The following GOLGA4 variants were observed in gnomAD, a reference collection of about 807,000 sequenced individuals.
GOLGA4 encodes golgin A4.
A neutral mutation model predicts 265.9 loss-of-function variants in GOLGA4; 169 were observed. The observed-to-expected ratio is 0.64, with a 90% CI of 0.56 to 0.72. GOLGA4 has a LOEUF of 0.72. Among genes scored for constraint, GOLGA4 ranks in the 30% least tolerant of loss-of-function variants. The pLI is 0.00. For synonymous variants in GOLGA4, 923 were observed against 855.8 expected (o/e 1.08, Z -1.37); for missense variants, 2,482 against 2,483.4 (o/e 1.00, Z 0.01).
At position 37,326,673 on chromosome 3, in the gene GOLGA4, C is replaced by A; in HGVS notation, c.4787C>A (p.Ser1596Tyr). 2 of 1,611,300 alleles carry A rather than the reference C, an allele frequency of 1.2e-6. No homozygotes were observed. The highest frequency in any genetic ancestry group is 2.2e-5 in the South Asian group (2 of 90,390). The change falls in exon 14 of 24, where the codon TCC becomes TAC. Residue 1596 changes from serine (S) to tyrosine (Y), a missense_variant. Ser to Tyr is a moderately radical substitution (Grantham distance 144, BLOSUM62 -2). Coordinates refer to ENST00000361924, the MANE Select transcript of GOLGA4 (RefSeq NM_002078.5). ...KILTLENQVY[S>Y]MKAELETKKK... Reference sequence around the variant, plus strand: ...TTAACACTTGAAAACCAAGTTTATTCCATGAAAGCTGAACTTGAAACTAAG... The same window carrying A: ...TTAACACTTGAAAACCAAGTTTATTACATGAAAGCTGAACTTGAAACTAAG...
At chr3:37,272,219 C>T (rs961017770) in intron 2 of GOLGA4, among the ~76,000 whole-genome samples, 9 of 152,054 alleles carry the variant, frequency 5.9e-5, no homozygotes, top group East Asian at 3.9e-4. Context: ...TCATGAAACC[C>T]GTCCCTGGTG....
chr3:37,313,601 G>A (rs1340313864), intron 10 of GOLGA4: 1 of 152,236 alleles, frequency 6.6e-6, no homozygotes, highest in Middle Eastern at 3.4e-3. Flanking sequence ...AGACTTCTGT[G>A]AGGACTAAAG....
intron 10 of GOLGA4, among the ~76,000 whole-genome samples, chr3:37,311,781 A>G (rs539624366): frequency 1.3e-5 from 2 of 152,344 alleles, no homozygotes; most frequent in East Asian, 1.9e-4. Context: ...ATTGACTTGG[A>G]CAAACTTTTA....
intron 5 of GOLGA4, among the ~76,000 whole-genome samples, chr3:37,293,315 T>G (rs1239651019): frequency 1.3e-5 from 2 of 152,196 alleles, no homozygotes; most frequent in Non-Finnish European, 2.9e-5. Context: ...ATTTTTTTTT[T>G]TAAATGCTCA....
At chr3:37,320,341 C>T (rs1366949351) in intron 12 of GOLGA4, 2 of 151,996 alleles carry the variant, frequency 1.3e-5, no homozygotes, top group African/African-American at 2.4e-5. Context: ...CTCAAAAATG[C>T]TTTCCGTGTA....
In GOLGA4 at chr3:37,281,954, G is replaced by T; in HGVS notation, c.163-4G>T. On this transcript the variant is annotated splice_polypyrimidine_tract_variant and splice_region_variant and intron_variant, in intron 2 of 23. Transcript: ENST00000361924. ...CCACACATTCTGTTGGGTTTTGGTT[G>T]CAGTCAGGTGACACACAGTCTTTTG... 1 of 1,603,074 alleles carries T rather than the reference G, an allele frequency of 6.2e-7. No homozygotes were observed. The highest frequency in any genetic ancestry group is 8.5e-7 in the Non-Finnish European group (1 of 1,172,456).
At chr3:37,294,285 GCTAT>G (rs1425266771) in intron 5 of GOLGA4, among the ~76,000 whole-genome samples, 1 of 152,080 alleles carries the variant, frequency 6.6e-6, no homozygotes, top group African/African-American at 2.4e-5. Context: ...AAGACTACTG[GCTAT>G]CTGTTTGGTA....
intron 2 of GOLGA4, among the ~76,000 whole-genome samples, chr3:37,278,910 T>G (rs2096827112): frequency 6.6e-6 from 1 of 151,688 alleles, no homozygotes; most frequent in Admixed American, 6.6e-5. Context: ...ACTCCTGGGC[T>G]CAAGCAGTCC....
chr3:37,310,746 TA>T (rs2096920949), intron 10 of GOLGA4, among the ~76,000 whole-genome samples: 1 of 151,790 alleles, frequency 6.6e-6, no homozygotes, highest in Admixed American at 6.6e-5. Flanking sequence ...TTTTTTTTTT[TA>T]AATAAAAATT....
chr3:37,247,908 T>C (rs1490681728), intron 1 of GOLGA4, among the ~76,000 whole-genome samples: 1 of 152,236 alleles, frequency 6.6e-6, no homozygotes, highest in Non-Finnish European at 1.5e-5. Context: ...AGTACGTCCC[T>C]CTGCCCTCTA....
In GOLGA4 at chr3:37,275,673, G is replaced by A. The variant is rs552500704; in HGVS notation, c.163-6285G>A. On this transcript the variant is annotated intron_variant, in intron 2 of 23. Coordinates refer to ENST00000361924, the MANE Select transcript of GOLGA4 (RefSeq NM_002078.5). ...TTCCCCTTGCCAGCGGGGTGGGCGCGGAGAAGACCTGCCGGAGCCATGGAG... is the reference window on the plus strand; with the variant it reads ...TTCCCCTTGCCAGCGGGGTGGGCGCAGAGAAGACCTGCCGGAGCCATGGAG... 1.4e-4 allele frequency: 230 copies of A among 1,611,606 alleles called. 1 individual carries two copies. The highest frequency in any genetic ancestry group is 6.7e-4 in the Middle Eastern group (3 of 4,464).
chr3:37,346,666 A>G (rs2097057507), intron 20 of GOLGA4, among the ~76,000 whole-genome samples: 1 of 152,200 alleles, frequency 6.6e-6, no homozygotes, highest in African/African-American at 2.4e-5. Context: ...TATATTGCTA[A>G]TAATTGAATT....
intron 13 of GOLGA4, among the ~76,000 whole-genome samples, chr3:37,322,795 CTT>C (rs1363721195): frequency 6.6e-6 from 1 of 151,646 alleles, no homozygotes; most frequent in African/African-American, 2.4e-5. Context: ...TAATAATAAT[CTT>C]TGTTAAAATT....
intron 7 of GOLGA4, 38 bp downstream of exon 7, chr3:37,296,257 A>G (rs1578558668): frequency 6.2e-7 from 1 of 1,606,562 alleles, no homozygotes; most frequent in Non-Finnish European, 8.5e-7. Flanking sequence ...TTTAAAAACT[A>G]GAGGAGAGCC....
At chr3:37,273,078 A>G (rs950062616) in intron 2 of GOLGA4, among the ~76,000 whole-genome samples, 6 of 152,212 alleles carry the variant, frequency 3.9e-5, no homozygotes, top group Non-Finnish European at 5.9e-5. Flanking sequence ...TGAATGAGAC[A>G]TTACCGTTTC....
chr3:37,253,401 AT>A (rs35585036), intron 2 of GOLGA4, among the ~76,000 whole-genome samples: 44,144 of 151,938 alleles, frequency 0.29, 7,468 homozygotes, highest in Non-Finnish European at 0.39. Context: ...TAATTATATA[AT>A]TGAAAAATCC....
At chr3:37,276,412 G>T in intron 2 of GOLGA4, 6 of 1,608,700 alleles carry the variant, frequency 3.7e-6, no homozygotes, top group Non-Finnish European at 4.3e-6. Context: ...GGAAAAACTT[G>T]ACCAAAGAAG....
In GOLGA4 at chr3:37,243,613, T is replaced by C. The variant is rs754089232; in HGVS notation, c.63T>C (p.Ala21=). 15 of 1,611,556 alleles carry C rather than the reference T, an allele frequency of 9.3e-6. No homozygotes were observed. In the Admixed American group the frequency reaches 2.0e-4, roughly 21 times the overall value. The change falls in exon 1 of 24, where the codon GCT becomes GCC. Residue 21 remains alanine (A), a synonymous_variant. Coordinates refer to ENST00000361924, the MANE Select transcript of GOLGA4 (RefSeq NM_002078.5). ...EEQQQLQQAL[A]PAQASSNSST... ...AGCAGCAGCTCCAGCAGGCGCTGGC[T>C]CCTGCTCAGGTACGATGGCCGCCGC...
chr3:37,284,629 A>G (rs1212794039), intron 3 of GOLGA4, among the ~76,000 whole-genome samples: 1 of 143,294 alleles, frequency 7.0e-6, no homozygotes, highest in South Asian at 2.2e-4. Flanking sequence ...TTCGTTTTTT[A>G]TATTCTTTGT....
Sources: gnomAD v4.1 joint callset for allele counts (sites outside exome capture counted in the v4.1 genomes callset) on GRCh38, gnomAD v4.1.1 for gene constraint, MANE v1.5 for transcripts, NCBI Gene and HGNC (gene_info 2026-07-23, HGNC 2026-07-21) for gene names.